The following ANXA4 variants were observed in gnomAD, a reference collection of about 807,000 sequenced individuals.
The protein encoded by ANXA4 is annexin A4.
A neutral mutation model predicts 49.8 loss-of-function variants in ANXA4; 39 were observed. The ratio of observed to expected loss-of-function variants is 0.78; its 90% confidence interval spans 0.61 to 1.02. The LOEUF (loss-of-function observed/expected upper bound fraction) is 1.02. Among genes scored for constraint, ANXA4 ranks in the 50% least tolerant of loss-of-function variants. ANXA4 has a pLI of 0.00. For synonymous variants in ANXA4, 134 were observed against 152.5 expected, an observed-to-expected ratio of 0.88 and a Z score of 0.89; for missense variants, 360 against 410.1, an observed-to-expected ratio of 0.88 and a Z score of 1.05.
intron 3 of ANXA4, among the ~76,000 whole-genome samples, chr2:69,798,703 C>T (rs750262819): frequency 2.0e-5 from 3 of 152,178 alleles, no homozygotes; most frequent in Admixed American, 6.5e-5. Context: ...GTCAGATGCC[C>T]GGTGTTTTTG....
chr2:69,672,215 A>T (rs1677217410), intron 2 of ANXA4, among the ~76,000 whole-genome samples: 1 of 151,682 alleles, frequency 6.6e-6, no homozygotes, highest in Non-Finnish European at 1.5e-5. Flanking sequence ...TATGTACTTT[A>T]TTATGTATTT....
intron 1 of ANXA4, among the ~76,000 whole-genome samples, chr2:69,774,838 TG>T (rs1671901936): frequency 6.6e-6 from 1 of 152,162 alleles, no homozygotes. Context: ...CAGACCTTAG[TG>T]TGGCTTTTGT....
chr2:69,792,162 T>A (rs958678730), intron 3 of ANXA4, among the ~76,000 whole-genome samples: 7 of 152,222 alleles, frequency 4.6e-5, no homozygotes, highest in African/African-American at 1.7e-4. Context: ...TTGGGAAGCC[T>A]GTTAAGTATA....
intron 1 of ANXA4, among the ~76,000 whole-genome samples, chr2:69,747,305 A>G (rs1200012513): frequency 6.6e-6 from 1 of 152,218 alleles, no homozygotes; most frequent in Non-Finnish European, 1.5e-5. Context: ...CCTGATTTAT[A>G]TGCGATTGAA....
intron 2 of ANXA4, among the ~76,000 whole-genome samples, chr2:69,659,337 A>C (rs1235869503): frequency 6.6e-6 from 1 of 152,210 alleles, no homozygotes; most frequent in African/African-American, 2.4e-5. Context: ...GCTATTTATT[A>C]CTTATTTTGA....
chr2:69,656,371 A>G (rs1676484081), intron 2 of ANXA4, among the ~76,000 whole-genome samples: 1 of 127,762 alleles, frequency 7.8e-6, no homozygotes, highest in South Asian at 2.4e-4. Flanking sequence ...ATATATGTGT[A>G]TATATGTGTA....
chr2:69,734,604 A>T (rs1388088547), intron 3 of ANXA4, among the ~76,000 whole-genome samples: 1 of 152,052 alleles, frequency 6.6e-6, no homozygotes, highest in African/African-American at 2.4e-5. Flanking sequence ...TCACCTCTAG[A>T]CCTTAACCCC....
intron 1 of ANXA4, among the ~76,000 whole-genome samples, chr2:69,746,390 A>G (rs576222091): frequency 6.0e-4 from 91 of 152,322 alleles, no homozygotes; most frequent in Middle Eastern, 3.4e-3. Flanking sequence ...AACTCACCAC[A>G]TAGTCTTATA....
At chr2:69,724,917 G>GT (rs1417468794) in intron 3 of ANXA4, among the ~76,000 whole-genome samples, 3 of 152,320 alleles carry the variant, frequency 2.0e-5, no homozygotes, top group African/African-American at 4.8e-5. Context: ...CGTGTGGAAC[G>GT]TTTAGCTGAT....
rs977485203 is a variant in ANXA4, at chr2:69,793,029, G to A, written c.97+4888G>A. On this transcript the variant is annotated intron_variant, in intron 3 of 12. Transcript: ENST00000394295. ...AGCACTTTGGGAGGCCAAGGCGGGC[G>A]GATCACGAGGTCAGGAGATCGAGAC... 5.3e-5 allele frequency among the ~76,000 whole-genome samples: 8 copies of A among 151,346 alleles called. No individual in the cohort carries two copies. In the East Asian group the frequency reaches 7.7e-4, roughly 15 times the overall value.
chr2:69,722,345 A>G (rs539587209), intron 3 of ANXA4, among the ~76,000 whole-genome samples: 1 of 152,244 alleles, frequency 6.6e-6, no homozygotes, highest in Non-Finnish European at 1.5e-5. Context: ...GTTATTCGCC[A>G]TAGCCAAAAA....
intron 1 of ANXA4, among the ~76,000 whole-genome samples, chr2:69,743,661 C>T (rs1313803074): frequency 1.3e-5 from 2 of 152,178 alleles, no homozygotes; most frequent in Non-Finnish European, 2.9e-5. Context: ...CAGGCCAAGG[C>T]CATCCTCATT....
chr2:69,643,911 T>C, upstream of ANXA4: 1 of 1,158,596 alleles, frequency 8.6e-7, no homozygotes, highest in Non-Finnish European at 1.1e-6. Flanking sequence ...AGAAGAGGAC[T>C]GGGGGAAGAG....
chr2:69,671,224 A>G (rs1470041430), intron 2 of ANXA4, among the ~76,000 whole-genome samples: 1 of 152,150 alleles, frequency 6.6e-6, no homozygotes, highest in African/African-American at 2.4e-5. Flanking sequence ...ATTTGAGACT[A>G]CATTAAAATC....
chr2:69,731,740 A>G (rs1670102998), intron 3 of ANXA4, among the ~76,000 whole-genome samples: 1 of 152,176 alleles, frequency 6.6e-6, no homozygotes, highest in Non-Finnish European at 1.5e-5. Context: ...CTTCCTTGGA[A>G]GCAATGATCT....
At chr2:69,778,248 T>A (rs1178053016) in intron 1 of ANXA4, among the ~76,000 whole-genome samples, 1 of 152,252 alleles carries the variant, frequency 6.6e-6, no homozygotes, top group Non-Finnish European at 1.5e-5. Context: ...TATTTATTCG[T>A]TCTAAAATTT....
intron 1 of ANXA4, among the ~76,000 whole-genome samples, chr2:69,766,989 A>G (rs1671519445): frequency 6.6e-6 from 1 of 152,204 alleles, no homozygotes; most frequent in African/African-American, 2.4e-5. Flanking sequence ...TTGTAGCCTT[A>G]GAATTACTCT....
At chr2:69,650,418 T>C (rs1288104387) in intron 1 of ANXA4, among the ~76,000 whole-genome samples, 1 of 152,196 alleles carries the variant, frequency 6.6e-6, no homozygotes, top group Non-Finnish European at 1.5e-5. Context: ...AGAAAGTTTA[T>C]TACAATAAAC....
chr2:69,745,774 G>C (rs541601043), intron 1 of ANXA4, among the ~76,000 whole-genome samples: 2 of 151,964 alleles, frequency 1.3e-5, no homozygotes, highest in Admixed American at 1.3e-4. Context: ...CAGATGATCC[G>C]CTTGCATCAG....
Sources: allele counts gnomAD v4.1 joint callset (sites outside exome capture counted in the v4.1 genomes callset), GRCh38; gene constraint gnomAD v4.1.1; transcripts MANE v1.5; gene names NCBI Gene and HGNC (gene_info 2026-07-23, HGNC 2026-07-21).